RBFOX1: variants seen among roughly 807,000 people sequenced by gnomAD.
The protein encoded by RBFOX1 is RNA binding protein fox-1 homolog 1.
RBFOX1 carries 8 observed loss-of-function variants against 57.7 expected under a neutral mutation model. The observed-to-expected ratio is 0.14, with a 90% CI of 0.08 to 0.25. The LOEUF is 0.25. RBFOX1 is among the 10% of genes least tolerant of loss of function. RBFOX1 has a pLI of 1.00. For synonymous variants in RBFOX1, 326 were observed against 222.4 expected (o/e 1.47, Z -4.15); for missense variants, 611 against 548.5 (o/e 1.11, Z -1.14).
chr16:5,672,317 G>A (rs2050036711), intron 3 of RBFOX1, among the ~76,000 whole-genome samples: 1 of 152,104 alleles, frequency 6.6e-6, no homozygotes, highest in Admixed American at 6.5e-5. Context: ...AGGTTATTCT[G>A]ATGCCATGTG....
chr16:6,976,418 A>G (rs748086478), intron 3 of RBFOX1, among the ~76,000 whole-genome samples: 4 of 152,084 alleles, frequency 2.6e-5, no homozygotes, highest in African/African-American at 9.7e-5. Flanking sequence ...AGAGGCGAGC[A>G]TGTTTTATAC....
At chr16:5,981,918 T>G (rs2060181946) in intron 4 of RBFOX1, among the ~76,000 whole-genome samples, 1 of 152,222 alleles carries the variant, frequency 6.6e-6, no homozygotes, top group African/African-American at 2.4e-5. Flanking sequence ...CATCCCATAG[T>G]GCACCCCCTC....
chr16:7,604,474 T>G (rs112485161), intron 9 of RBFOX1, among the ~76,000 whole-genome samples: 16 of 152,356 alleles, frequency 1.1e-4, no homozygotes, highest in African/African-American at 3.6e-4. Context: ...AGCACAGATC[T>G]CCTGATGAAG....
At chr16:5,587,725 T>A (rs995314614) in intron 2 of RBFOX1, among the ~76,000 whole-genome samples, 1 of 152,142 alleles carries the variant, frequency 6.6e-6, no homozygotes, top group Non-Finnish European at 1.5e-5. Flanking sequence ...AAAAGTCAGA[T>A]AATTTTAAGT....
intron 4 of RBFOX1, among the ~76,000 whole-genome samples, chr16:7,291,014 G>C (rs1238236798): frequency 1.3e-5 from 2 of 152,136 alleles, no homozygotes; most frequent in Admixed American, 6.5e-5. Flanking sequence ...CTAGGCACTG[G>C]GCATTCTGGG....
At chr16:5,636,767 C>G (rs1191371632) in intron 3 of RBFOX1, among the ~76,000 whole-genome samples, 1 of 152,174 alleles carries the variant, frequency 6.6e-6, no homozygotes. Context: ...CAGAGCTATT[C>G]TTGCTTGTTT....
At chr16:7,475,881 C>T (rs2062578218) in intron 4 of RBFOX1, among the ~76,000 whole-genome samples, 1 of 152,204 alleles carries the variant, frequency 6.6e-6, no homozygotes, top group Non-Finnish European at 1.5e-5. Flanking sequence ...TACTATGTCC[C>T]AGGAAGTGGG....
At chr16:7,350,243 G>T (rs185838785) in intron 4 of RBFOX1, among the ~76,000 whole-genome samples, 33 of 152,274 alleles carry the variant, frequency 2.2e-4, no homozygotes, top group African/African-American at 7.9e-4. Context: ...TTGACAAGTA[G>T]GTGCCAGCTG....
chr16:6,798,584 G>A (rs182532577), intron 3 of RBFOX1, among the ~76,000 whole-genome samples: 41 of 152,306 alleles, frequency 2.7e-4, no homozygotes, highest in African/African-American at 9.6e-4. Flanking sequence ...ACAGCTGTCT[G>A]TATTCAAAGA....
At chr16:5,758,392 A>C (rs545398624) in intron 3 of RBFOX1, among the ~76,000 whole-genome samples, 1 of 152,250 alleles carries the variant, frequency 6.6e-6, no homozygotes, top group African/African-American at 2.4e-5. Context: ...CTTGGTCCCT[A>C]GGTTGGGCAT....
intron 4 of RBFOX1, among the ~76,000 whole-genome samples, chr16:5,925,945 A>C (rs2058931995): frequency 6.6e-6 from 1 of 152,160 alleles, no homozygotes. Context: ...CTAAACATGC[A>C]GTGGCCTTCC....
At chr16:5,882,992 G>A (rs1282144906) in intron 4 of RBFOX1, among the ~76,000 whole-genome samples, 2 of 152,076 alleles carry the variant, frequency 1.3e-5, no homozygotes, top group Non-Finnish European at 2.9e-5. Context: ...TCTTTAGTTT[G>A]GTGTGTATTT....
intron 2 of RBFOX1, among the ~76,000 whole-genome samples, chr16:5,495,405 C>T (rs2042970258): frequency 6.6e-6 from 1 of 152,198 alleles, no homozygotes; most frequent in Non-Finnish European, 1.5e-5. Context: ...TGCTCACTGT[C>T]ATGGTAACAG....
chr16:5,833,806 C>A (rs986375319), intron 3 of RBFOX1, among the ~76,000 whole-genome samples: 1 of 152,098 alleles, frequency 6.6e-6, no homozygotes, highest in African/African-American at 2.4e-5. Flanking sequence ...TAGCCCAGGC[C>A]CTGTCCAAAT....
At chr16:6,877,362 G>A (rs1363700347) in intron 3 of RBFOX1, among the ~76,000 whole-genome samples, 1 of 152,150 alleles carries the variant, frequency 6.6e-6, no homozygotes, top group Non-Finnish European at 1.5e-5. Context: ...ACACAAAAAT[G>A]TAATTCTCTA....
intron 5 of RBFOX1, among the ~76,000 whole-genome samples, chr16:7,531,803 C>A (rs2080146853): frequency 6.6e-6 from 1 of 152,244 alleles, no homozygotes; most frequent in South Asian, 2.1e-4. Flanking sequence ...ATGATAATAT[C>A]ATTACAGGCA....
At chr16:5,809,345 C>T (rs577125892) in intron 3 of RBFOX1, among the ~76,000 whole-genome samples, 32 of 152,250 alleles carry the variant, frequency 2.1e-4, no homozygotes, top group Middle Eastern at 6.8e-3. Flanking sequence ...AACTAAAGAG[C>T]TTCTGGACAG....
At chr16:5,450,030 G>T (rs1006388471) in intron 1 of RBFOX1, among the ~76,000 whole-genome samples, 2 of 152,176 alleles carry the variant, frequency 1.3e-5, no homozygotes, top group Non-Finnish European at 2.9e-5. Context: ...CTATTTGCAA[G>T]GTACTGGGGT....
At chr16:7,280,378 G>A (rs1286321995) in intron 4 of RBFOX1, among the ~76,000 whole-genome samples, 2 of 152,180 alleles carry the variant, frequency 1.3e-5, no homozygotes, top group African/African-American at 2.4e-5. Context: ...CAACCTGTTG[G>A]TTAAGAAAGA....
Sources: allele counts gnomAD v4.1 joint callset (sites outside exome capture counted in the v4.1 genomes callset), GRCh38; gene constraint gnomAD v4.1.1; transcripts MANE v1.5; gene names NCBI Gene and HGNC (gene_info 2026-07-23, HGNC 2026-07-21).